The following UST variants were observed in gnomAD, a reference collection of about 807,000 sequenced individuals.
The protein encoded by UST is uronyl 2-sulfotransferase, also known as chondroitin sulfate 2-O-sulfotransferase.
In UST, 21 loss-of-function variants were observed where a neutral mutation model predicts 45.6. The observed-to-expected ratio is 0.46, with a 90% CI of 0.33 to 0.66. The LOEUF is 0.66. Among genes scored for constraint, UST ranks in the 30% least tolerant of loss-of-function variants. UST has a pLI of 0.02. For synonymous variants in UST, 215 were observed against 200.6 expected, an observed-to-expected ratio of 1.07 and a Z score of -0.61; for missense variants, 463 against 512.4, an observed-to-expected ratio of 0.90 and a Z score of 0.93.
intron 5 of UST, among the ~76,000 whole-genome samples, chr6:149,001,803 G>A (rs1781554872): frequency 6.6e-6 from 1 of 152,142 alleles, no homozygotes; most frequent in African/African-American, 2.4e-5. Context: ...TGAATATTAA[G>A]TGTTAAAAGT....
intron 1 of UST, among the ~76,000 whole-genome samples, chr6:148,841,979 G>T (rs1164043290): frequency 6.6e-6 from 1 of 152,138 alleles, no homozygotes; most frequent in Non-Finnish European, 1.5e-5. Context: ...GGTGGCACGT[G>T]CCTGTAATCC....
At chr6:148,894,542 C>A (rs1779082340) in intron 2 of UST, among the ~76,000 whole-genome samples, 1 of 152,106 alleles carries the variant, frequency 6.6e-6, no homozygotes, top group Admixed American at 6.5e-5. Context: ...GGAGCAGGTT[C>A]CCCCTCCAAA....
chr6:148,921,584 T>C (rs10499257), intron 2 of UST, among the ~76,000 whole-genome samples: 21,307 of 152,210 alleles, frequency 0.14, 1,872 homozygotes, highest in Middle Eastern at 0.26. Context: ...TTAGAATTAA[T>C]TAAGCATTTC....
At chr6:148,942,458 G>A (rs917207438) in intron 3 of UST, among the ~76,000 whole-genome samples, 2 of 152,042 alleles carry the variant, frequency 1.3e-5, no homozygotes, top group African/African-American at 2.4e-5. Flanking sequence ...TTCGGGAGGC[G>A]GAGGCAGGAG....
At chr6:149,010,972 A>C (rs943598719) in intron 5 of UST, among the ~76,000 whole-genome samples, 2 of 150,076 alleles carry the variant, frequency 1.3e-5, no homozygotes, top group African/African-American at 4.9e-5. Context: ...GGAAACTCAC[A>C]CTCTTGGAAT....
At chr6:149,058,392 TGC>T (rs1776601991) in intron 7 of UST, among the ~76,000 whole-genome samples, 2 of 149,668 alleles carry the variant, frequency 1.3e-5, no homozygotes, top group East Asian at 2.0e-4. Context: ...TGTGTGTATG[TGC>T]GCGCGCGTGT....
chr6:148,916,453 C>A (rs910969269), intron 2 of UST, among the ~76,000 whole-genome samples: 1 of 152,068 alleles, frequency 6.6e-6, no homozygotes, highest in Non-Finnish European at 1.5e-5. Flanking sequence ...GAGAGTGAAA[C>A]GGGGAGAAGA....
intron 7 of UST, among the ~76,000 whole-genome samples, chr6:149,042,996 T>C (rs1776339977): frequency 8.5e-6 from 1 of 117,834 alleles, no homozygotes; most frequent in Non-Finnish European, 1.8e-5. Flanking sequence ...TCTTTCTTTC[T>C]TTCTTTCTTT....
chr6:148,780,998 C>T (rs1192364238), intron 1 of UST, among the ~76,000 whole-genome samples: 1 of 152,134 alleles, frequency 6.6e-6, no homozygotes, highest in Non-Finnish European at 1.5e-5. Flanking sequence ...CCTTGGACCT[C>T]CCTATTCCCT....
chr6:148,993,793 A>C lies in UST; in HGVS notation c.682-25346A>C, dbSNP rs375577291. On this transcript the variant is annotated intron_variant, in intron 5 of 7. Coordinates refer to ENST00000367463, the MANE Select transcript of UST (RefSeq NM_005715.3). ...CACTTGCTCCTGCTTTTGCCATGTG[A>C]TGTGGCTGCTCCCACTTCACCTTCT... Among the ~76,000 whole-genome samples the C allele has an allele frequency of 3.9e-5, 6 of 151,914 alleles. No homozygotes were observed. The East Asian group carries it at 7.7e-4, about 20-fold the overall frequency.
intron 1 of UST, among the ~76,000 whole-genome samples, chr6:148,760,990 A>G (rs768772723): frequency 3.3e-5 from 5 of 152,276 alleles, no homozygotes; most frequent in East Asian, 3.9e-4. Flanking sequence ...ACAGTTTTCC[A>G]GTTCCCTCAG....
intron 1 of UST, among the ~76,000 whole-genome samples, chr6:148,791,770 C>T (rs1157706269): frequency 6.6e-6 from 1 of 152,194 alleles, no homozygotes; most frequent in Non-Finnish European, 1.5e-5. Flanking sequence ...GAATTTCACA[C>T]CAGGATCCTG....
chr6:148,999,242 A>G (rs187339363), intron 5 of UST, among the ~76,000 whole-genome samples: 1 of 152,346 alleles, frequency 6.6e-6, no homozygotes, highest in Non-Finnish European at 1.5e-5. Context: ...AAACAGTAGT[A>G]TCATCTGAAA....
At chr6:149,049,576 A>G (rs1776449153) in intron 7 of UST, among the ~76,000 whole-genome samples, 1 of 152,208 alleles carries the variant, frequency 6.6e-6, no homozygotes, top group East Asian at 1.9e-4. Context: ...TTTTAGGAAA[A>G]TAATTGAATG....
chr6:148,862,520 G>A (rs1778339061), intron 1 of UST, among the ~76,000 whole-genome samples: 1 of 152,210 alleles, frequency 6.6e-6, no homozygotes, highest in African/African-American at 2.4e-5. Flanking sequence ...ATTGTTGTGT[G>A]TGAATTTGAT....
intron 5 of UST, chr6:148,964,815 T>G: frequency 2.0e-6 from 1 of 505,124 alleles, no homozygotes; most frequent in Non-Finnish European, 3.5e-6. Flanking sequence ...TGCTAGGTTT[T>G]GGGACCCAGA....
chr6:149,049,735 A>T (rs1175179601), intron 7 of UST, among the ~76,000 whole-genome samples: 2 of 152,218 alleles, frequency 1.3e-5, no homozygotes, highest in East Asian at 3.8e-4. Flanking sequence ...AGTAAAGAAC[A>T]TCATTCTCGA....
At position 148,747,590 on chromosome 6, in the gene UST, A is replaced by T. The variant is rs1412051369; in HGVS notation, c.160A>T (p.Thr54Ser). ...SLRDYGFCMA[T>S]LLVFCLGSLL... is the part of the protein sequence containing the mutation. ...CCGGGACTACGGCTTCTGCATGGCC[A>T]CCCTGCTGGTCTTCTGCCTGGGCTC... is the stretch of plus-strand genomic sequence containing the variant. Residue 54 changes from threonine (T) to serine (S), a missense_variant, in exon 1 of 8, where the codon ACC becomes TCC. Around this residue, in one of 2 missense-constraint regions of UST, gnomAD observed 176 missense variants for 138.3 expected, o/e 1.27. Transcript: ENST00000367463. 3 of 1,594,132 alleles carry T rather than the reference A, an allele frequency of 1.9e-6. No individual in the cohort carries two copies. The highest frequency in any genetic ancestry group is 2.6e-6 in the Non-Finnish European group (3 of 1,172,062).
At chr6:148,947,459 A>G (rs1780269060) in intron 3 of UST, among the ~76,000 whole-genome samples, 1 of 152,206 alleles carries the variant, frequency 6.6e-6, no homozygotes, top group South Asian at 2.1e-4. Context: ...TGCAGGGGAA[A>G]AACTCCCGAA....
Sources: gnomAD v4.1 joint callset for allele counts (sites outside exome capture counted in the v4.1 genomes callset) on GRCh38, gnomAD v4.1.1 for gene constraint, gnomAD v4.1.1 regional missense constraint, MANE v1.5 for transcripts, NCBI Gene and HGNC (gene_info 2026-07-23, HGNC 2026-07-21) for gene names.